TPD52L1: variants seen among roughly 807,000 people sequenced by gnomAD.
TPD52L1 encodes TPD52 like 1.
Under a neutral mutation model 28.7 loss-of-function variants are expected in TPD52L1, and 18 were observed. That is an observed-to-expected ratio of 0.63 (90% CI 0.43 to 0.93). TPD52L1 has a LOEUF of 0.93. TPD52L1 is among the 40% of genes least tolerant of loss of function. TPD52L1 has a pLI of 0.00. For missense variants in TPD52L1, 203 were observed against 254.8 expected, an observed-to-expected ratio of 0.80 and a Z score of 1.39; for synonymous variants, 75 against 88.8, an observed-to-expected ratio of 0.84 and a Z score of 0.88.
At chr6:125,254,714 GT>G (rs1220455247) in intron 5 of TPD52L1, among the ~76,000 whole-genome samples, 2 of 152,082 alleles carry the variant, frequency 1.3e-5, no homozygotes, top group Middle Eastern at 3.2e-3. Context: ...CTTTTCCTCT[GT>G]TTTTTAACTG....
intron 6 of TPD52L1, chr6:125,260,976 GAAA>G (rs11341964): frequency 8.4e-5 from 7 of 83,582 alleles, no homozygotes; most frequent in Non-Finnish European, 1.7e-4. Flanking sequence ...AAGAAAGAAA[GAAA>G]AGAAAAGAAA....
chr6:125,192,951 A>C (rs932923747), intron 1 of TPD52L1, among the ~76,000 whole-genome samples: 1 of 152,196 alleles, frequency 6.6e-6, no homozygotes, highest in Non-Finnish European at 1.5e-5. Flanking sequence ...GTTGATAATA[A>C]TCATTGCTAA....
chr6:125,159,822 T>G (rs1478056607), intron 1 of TPD52L1, among the ~76,000 whole-genome samples: 1 of 152,186 alleles, frequency 6.6e-6, no homozygotes, highest in Non-Finnish European at 1.5e-5. Context: ...TCAGAACTCT[T>G]GGGTGACCAC....
intron 1 of TPD52L1, among the ~76,000 whole-genome samples, chr6:125,182,469 AG>A (rs144577301): frequency 0.013 from 2,001 of 152,128 alleles, 36 homozygotes; most frequent in African/African-American, 0.045. Flanking sequence ...AGGATCATTG[AG>A]GGGGTGGTTT....
In TPD52L1 at chr6:125,177,310, A is replaced by G. The variant is rs140218649; in HGVS notation, c.19+23340A>G. ...GCTGTTACCCTCATTTCAGCTTGTCAGATCTCACCCATATTGTTGACAGTG... is the reference window on the plus strand; with the variant it reads ...GCTGTTACCCTCATTTCAGCTTGTCGGATCTCACCCATATTGTTGACAGTG... On this transcript the variant is annotated intron_variant, in intron 1 of 6. Transcript: ENST00000534000. Among the ~76,000 whole-genome samples, 771 of 152,302 alleles carry G rather than the reference A, an allele frequency of 5.1e-3. 9 individuals are homozygous for G. Among genetic ancestry groups the G allele is most frequent in the African/African-American group, 0.018 (728 of 41,556 alleles).
rs1798140913 is a variant in TPD52L1 at position 125,262,909 on chromosome 6, C to T, written c.562C>T (p.Gln188Ter). Residue 188 changes from glutamine to a stop codon, truncating the protein, a stop_gained, in exon 7 of 7, where the codon CAG becomes TAG. Transcript: ENST00000534000. LOFTEE classifies it high-confidence loss of function. Reference protein sequence around the residue: ...VLSSTAHASAQSLAGGSRRTK... With the variant: ...VLSSTAHASA ...CAGCTCCACGGCCCATGCCAGTGCC[C>T]AGAGCTTGGCAGGAGGCTCCCGGCG... 6.2e-7 allele frequency: 1 copy of T among 1,614,102 alleles called. No homozygotes were observed. The highest frequency in any genetic ancestry group is 1.3e-5 in the African/African-American group (1 of 74,948).
intron 2 of TPD52L1, among the ~76,000 whole-genome samples, chr6:125,221,418 T>G (rs1795221524): frequency 6.6e-6 from 1 of 152,182 alleles, no homozygotes; most frequent in Admixed American, 6.5e-5. Context: ...CCAAATGTCA[T>G]GTTCTGCAGA....
Position 125,253,771 on chromosome 6 carries a change from T to C in TPD52L1, c.425+16T>C, listed in dbSNP as rs1056855238. On this transcript the variant is annotated intron_variant, in intron 5 of 6. Coordinates refer to ENST00000534000, the MANE Select transcript of TPD52L1 (RefSeq NM_003287.4). ...CTGCTATGAGGTAATGTGTGTAAAA[T>C]ATTTTATGTAATATTAATATGAAAT... 2 of 1,595,140 alleles carry C rather than the reference T, an allele frequency of 1.3e-6. No individual in the cohort carries two copies. The highest frequency in any genetic ancestry group is 2.7e-5 in the African/African-American group (2 of 74,564).
intron 1 of TPD52L1, among the ~76,000 whole-genome samples, chr6:125,179,057 A>G (rs1358545740): frequency 2.6e-5 from 4 of 152,178 alleles, no homozygotes; most frequent in African/African-American, 9.7e-5. Flanking sequence ...AAGTGGAACT[A>G]CCTTTGACAC....
At chr6:125,212,271 G>C (rs563088682) in intron 1 of TPD52L1, among the ~76,000 whole-genome samples, 1 of 151,978 alleles carries the variant, frequency 6.6e-6, no homozygotes, top group East Asian at 1.9e-4. Flanking sequence ...TATTCTTTTT[G>C]AAAGTGTATG....
chr6:125,205,076 G>C (rs145963327), intron 1 of TPD52L1, among the ~76,000 whole-genome samples: 48 of 152,290 alleles, frequency 3.2e-4, no homozygotes, highest in African/African-American at 1.1e-3. Flanking sequence ...GAAGGAAAGA[G>C]AGCACAGAAT....
At chr6:125,247,164 G>T (rs894971308) in intron 3 of TPD52L1, among the ~76,000 whole-genome samples, 1 of 151,912 alleles carries the variant, frequency 6.6e-6, no homozygotes, top group African/African-American at 2.4e-5. Context: ...GATTTCATAG[G>T]GTATAATGTT....
At chr6:125,262,544 C>A in intron 6 of TPD52L1, 1 of 243,714 alleles carries the variant, frequency 4.1e-6, no homozygotes, top group South Asian at 7.7e-5. Context: ...GTTCCAAGTC[C>A]ATGGATCCGA....
chr6:125,178,630 C>T (rs1582869106), intron 1 of TPD52L1, among the ~76,000 whole-genome samples: 1 of 147,834 alleles, frequency 6.8e-6, no homozygotes, highest in Non-Finnish European at 1.5e-5. Context: ...AAAAACAAAA[C>T]AAAACAAAAC....
intron 2 of TPD52L1, among the ~76,000 whole-genome samples, chr6:125,222,451 G>A (rs1301107307): frequency 2.0e-5 from 3 of 152,196 alleles, no homozygotes; most frequent in African/African-American, 7.2e-5. Flanking sequence ...GCACTCAGTT[G>A]TGGTCATGAT....
intron 1 of TPD52L1, among the ~76,000 whole-genome samples, chr6:125,186,883 A>G (rs1792671792): frequency 6.6e-6 from 1 of 152,202 alleles, no homozygotes; most frequent in Non-Finnish European, 1.5e-5. Context: ...AAATGAGATG[A>G]TCAAGTACAA....
At chr6:125,189,055 G>A (rs1726143637) in intron 1 of TPD52L1, among the ~76,000 whole-genome samples, 3 of 152,176 alleles carry the variant, frequency 2.0e-5, no homozygotes, top group Admixed American at 2.0e-4. Context: ...TTCTCCTACA[G>A]TTGGGACTGT....
intron 1 of TPD52L1, among the ~76,000 whole-genome samples, chr6:125,199,620 G>A (rs1029733065): frequency 6.6e-6 from 1 of 152,160 alleles, no homozygotes; most frequent in Non-Finnish European, 1.5e-5. Context: ...GGGAGGCGGA[G>A]GTTGCAGTGA....
At chr6:125,182,265 T>C (rs1000866112) in intron 1 of TPD52L1, among the ~76,000 whole-genome samples, 2 of 152,222 alleles carry the variant, frequency 1.3e-5, no homozygotes, top group African/African-American at 4.8e-5. Context: ...CAGAAGCATG[T>C]AGAGCCCAGG....
Sources: allele counts gnomAD v4.1 joint callset (sites outside exome capture counted in the v4.1 genomes callset), GRCh38; gene constraint gnomAD v4.1.1; transcripts MANE v1.5; gene names NCBI Gene and HGNC (gene_info 2026-07-23, HGNC 2026-07-21).